ARPC5: variants seen among roughly 807,000 people sequenced by gnomAD.
ARPC5 encodes actin related protein 2/3 complex subunit 5.
In ARPC5, 5 loss-of-function variants were observed where a neutral mutation model predicts 15.4. That is an observed-to-expected ratio of 0.32 (90% CI 0.17 to 0.68). ARPC5 has a LOEUF of 0.68. Among genes scored for constraint, ARPC5 ranks in the 30% least tolerant of loss-of-function variants. ARPC5 has a pLI of 0.71. For synonymous variants in ARPC5, 85 were observed against 72.2 expected, an observed-to-expected ratio of 1.18 and a Z score of -0.90; for missense variants, 138 against 192.8, an observed-to-expected ratio of 0.72 and a Z score of 1.68.
chr1:183,627,476 T>C lies in ARPC5; in HGVS notation c.*56A>G. ...GGGCAGCGGTGGCATTTGGTTGTTT[T>C]GGTCTTTGTACCAGCAATTCCCACT... On this transcript the variant is annotated 3_prime_UTR_variant, in exon 4 of 4. Transcript: ENST00000359856. 1 of 1,490,370 alleles carries C rather than the reference T, an allele frequency of 6.7e-7. No individual in the cohort carries two copies. The highest frequency in any genetic ancestry group is 9.4e-7 in the Non-Finnish European group (1 of 1,067,546). The allele number at this position is 1,490,370 out of a possible 1,614,324, so 92.3% of individuals were successfully genotyped here.
chr1:183,635,467 G>A (rs1258091118), intron 1 of ARPC5, 50 bp downstream of exon 1: 1 of 1,548,180 alleles, frequency 6.5e-7, no homozygotes, highest in East Asian at 2.3e-5. Context: ...CCCAGGAGAA[G>A]GGCGGGCTGG....
chr1:183,634,902 C>G (rs1171490104), intron 1 of ARPC5, among the ~76,000 whole-genome samples: 1 of 129,912 alleles, frequency 7.7e-6, no homozygotes, highest in Non-Finnish European at 1.6e-5. Context: ...GCCAAATCCC[C>G]TTCTTCTTCT....
Position 183,626,396 on chromosome 1 carries a change from T to G in ARPC5, c.*1136A>C, listed in dbSNP as rs1649097744. 1 of 152,318 alleles carries G rather than the reference T, an allele frequency of 6.6e-6. No homozygotes were observed. The highest frequency in any genetic ancestry group is 2.4e-5 in the African/African-American group (1 of 41,468). 9.4% of individuals were successfully genotyped at this position (152,318 alleles called of 1,614,324 possible). ...TCACTTCCCTCTTGGTCAGGTGGTTTGTTTTAGAGCTACTCGATATTTATA... is the reference window on the plus strand; with the variant it reads ...TCACTTCCCTCTTGGTCAGGTGGTTGGTTTTAGAGCTACTCGATATTTATA... On this transcript the variant is annotated 3_prime_UTR_variant, in exon 4 of 4. Coordinates refer to ENST00000359856, the MANE Select transcript of ARPC5 (RefSeq NM_005717.4).
intron 1 of ARPC5, chr1:183,633,777 C>T (rs564650710): frequency 6.6e-6 from 1 of 152,296 alleles, no homozygotes; most frequent in South Asian, 2.1e-4. Flanking sequence ...AAAGGTTATT[C>T]AAACTGTGTT....
rs761661564 is a variant in ARPC5 at position 183,621,087 on chromosome 1, C to A, written c.*6445G>T. The A allele has an allele frequency of 6.6e-6, 1 of 152,028 alleles. No individual in the cohort carries two copies. The highest frequency in any genetic ancestry group is 6.5e-5 in the Admixed American group (1 of 15,268). The allele number at this position is 152,028 out of a possible 1,614,324, so 9.4% of individuals were successfully genotyped here. On this transcript the variant is annotated 3_prime_UTR_variant, in exon 4 of 4. Transcript: ENST00000359856. ...TTAAGAGAAATGCAAATATATGATA[C>A]CATTTTTAAAACATCAGATTTGAAA...
Position 183,627,441 on chromosome 1 carries a change from G to A in ARPC5, c.*91C>T. 4.7e-6 allele frequency: 5 copies of A among 1,058,338 alleles called. No homozygotes were observed. Among genetic ancestry groups the A allele is most frequent in the Non-Finnish European group, 7.3e-6 (5 of 681,066 alleles). The allele number at this position is 1,058,338 out of a possible 1,614,324, so 65.6% of individuals were successfully genotyped here. On this transcript the variant is annotated 3_prime_UTR_variant, in exon 4 of 4. Transcript: ENST00000359856. ...GAAGGCAAAGCTGAGAGAAACAGAT[G>A]CTACCCACAGGGCAGCGGTGGCATT...
rs1435903547 is a variant in ARPC5 at position 183,622,868 on chromosome 1, A to G, written c.*4664T>C. On this transcript the variant is annotated 3_prime_UTR_variant, in exon 4 of 4. Coordinates refer to ENST00000359856, the MANE Select transcript of ARPC5 (RefSeq NM_005717.4). ...ACTTGATTGGCTCTAGGGTATTTGA[A>G]CCCAAGAATTATTTTACTCTTTGTA... The G allele has an allele frequency of 2.6e-5, 4 of 153,594 alleles. No homozygotes were observed. Among genetic ancestry groups the G allele is most frequent in the African/African-American group, 9.7e-5 (4 of 41,446 alleles). The allele number at this position is 153,594 out of a possible 1,614,324, so 9.5% of individuals were successfully genotyped here.
At chr1:183,634,929 T>TA (rs1558123797) in intron 1 of ARPC5, among the ~76,000 whole-genome samples, 1 of 143,510 alleles carries the variant, frequency 7.0e-6, no homozygotes, top group African/African-American at 2.8e-5. Flanking sequence ...TTTTTTTTTT[T>TA]TAAAAAGGCC....
At chr1:183,630,808 T>A (rs1395415800) in intron 2 of ARPC5, 171 bp from the exon 3 acceptor site, 1 of 603,122 alleles carries the variant, frequency 1.7e-6, no homozygotes, top group African/African-American at 1.9e-5. Context: ...AACAGTGCTA[T>A]TAGTGTGTGT....
At chr1:183,630,786 G>C in intron 2 of ARPC5, 149 bp from the exon 3 acceptor site, 1 of 715,098 alleles carries the variant, frequency 1.4e-6, no homozygotes, top group South Asian at 2.1e-5. Context: ...AAGTGTTTCA[G>C]ACAGAGGAAA....
rs1361764895 is a variant in ARPC5 at position 183,635,540 on chromosome 1, G to A, written c.120C>T (p.Gly40=). 2.5e-6 allele frequency: 4 copies of A among 1,612,500 alleles called. No homozygotes were observed. Among genetic ancestry groups the A allele is most frequent in the South Asian group, 2.2e-5 (2 of 90,902 alleles). ...GGDGQAGPDE[G]EVDSCLRQGN... is the part of the protein sequence containing the mutation. ...ATTGCCGCAGGCAGGAGTCCACCTC[G>A]CCCTCGTCGGGCCCGGCCTGGCCGT... is the stretch of plus-strand genomic sequence containing the variant. Residue 40 remains glycine, a synonymous_variant, in exon 1 of 4, where the codon GGC becomes GGT. Transcript: ENST00000359856.
rs1185907225 is a variant in ARPC5 at position 183,621,673 on chromosome 1, A to G, written c.*5859T>C. On this transcript the variant is annotated 3_prime_UTR_variant, in exon 4 of 4. Coordinates refer to ENST00000359856, the MANE Select transcript of ARPC5 (RefSeq NM_005717.4). ...TGATGATATGCTAAACAAGGGGTGT[A>G]TTATTCATGCCTCCCCTTTTTAGAC... The G allele has an allele frequency of 6.6e-6, 1 of 152,220 alleles. No homozygotes were observed. The highest frequency in any genetic ancestry group is 2.4e-5 in the African/African-American group (1 of 41,464). The allele number at this position is 152,220 out of a possible 1,614,324, so 9.4% of individuals were successfully genotyped here.
chr1:183,629,604 T>C (rs1164869685), intron 3 of ARPC5, among the ~76,000 whole-genome samples: 1 of 152,240 alleles, frequency 6.6e-6, no homozygotes, highest in Non-Finnish European at 1.5e-5. Context: ...AAATCACTTA[T>C]ACTCTTTTGA....
chr1:183,628,621 C>T (rs1445614122), intron 3 of ARPC5, among the ~76,000 whole-genome samples: 1 of 152,286 alleles, frequency 6.6e-6, no homozygotes, highest in East Asian at 1.9e-4. Context: ...AGTTGTGCTG[C>T]AGGTGCTATT....
rs1648923794 is a variant in ARPC5 at position 183,621,202 on chromosome 1, T to C, written c.*6330A>G. Reference sequence around the variant, plus strand: ...TCTACACGGCTGGAGAAAGTATAATTGATAAAACCTTTAAGAAAGGCAATT... The same window carrying C: ...TCTACACGGCTGGAGAAAGTATAATCGATAAAACCTTTAAGAAAGGCAATT... On this transcript the variant is annotated 3_prime_UTR_variant, in exon 4 of 4. Transcript: ENST00000359856. 6.6e-6 allele frequency: 1 copy of C among 152,228 alleles called. No homozygotes were observed. The highest frequency in any genetic ancestry group is 6.5e-5 in the Admixed American group (1 of 15,286). 9.4% of individuals were successfully genotyped at this position (152,228 alleles called of 1,614,324 possible).
At position 183,635,698 on chromosome 1, in the gene ARPC5, T is replaced by G; in HGVS notation, c.-39A>C. 2 of 1,596,328 alleles carry G rather than the reference T, an allele frequency of 1.3e-6. No homozygotes were observed. The highest frequency in any genetic ancestry group is 1.7e-6 in the Non-Finnish European group (2 of 1,170,176). ...AGCGGCAAAGGCCTCTTCTTGGCGC[T>G]GCCTCTACCTCAGCAAGCCCAGCCC... On this transcript the variant is annotated 5_prime_UTR_variant, in exon 1 of 4. Transcript: ENST00000359856.
intron 1 of ARPC5, 47 bp downstream of exon 1, chr1:183,635,470 C>T: frequency 1.2e-6 from 1 of 836,846 alleles, no homozygotes; most frequent in South Asian, 1.5e-5. Flanking sequence ...AGGAGAAGGG[C>T]GGGCTGGGCT....
rs147901815 is a variant in ARPC5, at chr1:183,635,496, G to A, written c.143+21C>T. The A allele has an allele frequency of 5.0e-4, 802 of 1,597,566 alleles. 7 individuals carry two copies. The African/African-American group carries it at 8.5e-3, about 17-fold the overall frequency. ...GGGCTGGGCTGGGCTGGGGTGGGGA[G>A]GGCGGTGAATGCAAGGATATTGCCG... On this transcript the variant is annotated intron_variant, in intron 1 of 3. Transcript: ENST00000359856.
At position 183,623,560 on chromosome 1, in the gene ARPC5, C is replaced by T. The variant is rs994624094; in HGVS notation, c.*3972G>A. ...GAGAGGGAGTGGGGCAGAGGTCCCG[C>T]GGCAGGAATATGGACAGAAGCAGCC... On this transcript the variant is annotated 3_prime_UTR_variant, in exon 4 of 4. Coordinates refer to ENST00000359856, the MANE Select transcript of ARPC5 (RefSeq NM_005717.4). The T allele has an allele frequency of 8.3e-5, 128 of 1,537,222 alleles. No individual in the cohort carries two copies. Among genetic ancestry groups the T allele is most frequent in the African/African-American group, 1.7e-4 (12 of 72,704 alleles).
Sources: allele counts gnomAD v4.1 joint callset (sites outside exome capture counted in the v4.1 genomes callset), GRCh38; gene constraint gnomAD v4.1.1; transcripts MANE v1.5; gene names NCBI Gene and HGNC (gene_info 2026-07-23, HGNC 2026-07-21).